Variants in TRA2A observed in about 807,000 individuals in gnomAD.
TRA2A encodes the protein transformer-2 protein homolog alpha.
Under a neutral mutation model 45.7 loss-of-function variants are expected in TRA2A, and 31 were observed. The ratio of observed to expected loss-of-function variants is 0.68; its 90% CI spans 0.51 to 0.92. TRA2A has a LOEUF of 0.92. Ranked by LOEUF, TRA2A falls within the 40% of genes least tolerant of loss-of-function variation. The pLI, the probability that TRA2A is intolerant of heterozygous loss-of-function variation, is 0.00. For missense variants in TRA2A, 304 were observed against 367.5 expected (o/e 0.83, Z 1.41); for synonymous variants, 132 against 126.2 (o/e 1.05, Z -0.31).
At chr7:23,509,991 A>G (rs1203321362) in intron 4 of TRA2A, among the ~76,000 whole-genome samples, 4 of 152,106 alleles carry the variant, frequency 2.6e-5, no homozygotes, top group Non-Finnish European at 5.9e-5. Flanking sequence ...GTGCCACCAC[A>G]CTCCAGCCTA....
At chr7:23,515,227 T>TC (rs1562792213) in intron 3 of TRA2A, among the ~76,000 whole-genome samples, 3 of 138,332 alleles carry the variant, frequency 2.2e-5, no homozygotes, top group African/African-American at 8.4e-5. Flanking sequence ...ATATTTCTTT[T>TC]TTTTTTTTTT....
At chr7:23,528,506 T>C (rs913948014) in intron 1 of TRA2A, among the ~76,000 whole-genome samples, 4 of 152,084 alleles carry the variant, frequency 2.6e-5, no homozygotes, top group African/African-American at 2.4e-5. Context: ...GGGCCGGCCT[T>C]GTTTTGTTTT....
chr7:23,512,615 C>T (rs916545883), intron 4 of TRA2A, among the ~76,000 whole-genome samples: 1 of 152,042 alleles, frequency 6.6e-6, no homozygotes, highest in Non-Finnish European at 1.5e-5. Context: ...CCGGCCACCA[C>T]GCCTGGCTAA....
At chr7:23,512,619 T>C (rs527765795) in intron 4 of TRA2A, among the ~76,000 whole-genome samples, 18 of 152,026 alleles carry the variant, frequency 1.2e-4, no homozygotes, top group African/African-American at 4.3e-4. Context: ...CCACCACGCC[T>C]GGCTAATTGT....
chr7:23,510,463 T>C (rs1789548021), intron 4 of TRA2A, among the ~76,000 whole-genome samples: 1 of 151,754 alleles, frequency 6.6e-6, no homozygotes. Context: ...CCGAGTAGCT[T>C]GGGGTTACAG....
At chr7:23,510,726 T>C (rs1393076933) in intron 4 of TRA2A, among the ~76,000 whole-genome samples, 1 of 152,192 alleles carries the variant, frequency 6.6e-6, no homozygotes, top group African/African-American at 2.4e-5. Context: ...AAAATTACAC[T>C]GTTCTGGCTT....
In TRA2A at chr7:23,505,435, T is replaced by G; in HGVS notation, c.*124A>C. ...ACACAACTGACAAAAGTGTAGATGC[T>G]AAATAAACCAAAGTTTTTTTCTTAA... On this transcript the variant is annotated 3_prime_UTR_variant, in exon 8 of 8. Coordinates refer to ENST00000297071, the MANE Select transcript of TRA2A (RefSeq NM_013293.5). 2.0e-6 allele frequency: 1 copy of G among 507,094 alleles called. No individual in the cohort carries two copies. 31.4% of individuals were successfully genotyped at this position (507,094 alleles called of 1,614,324 possible). A position where few individuals can be genotyped will look rare whatever the true frequency, so the allele number is the denominator to read the frequency against.
intron 1 of TRA2A, chr7:23,522,252 C>T: frequency 5.4e-6 from 6 of 1,102,388 alleles, no homozygotes; most frequent in Non-Finnish European, 6.7e-6. Flanking sequence ...CCAATTCAAA[C>T]AATTCAAAAT....
At chr7:23,517,503 A>AAAAAAAAGAG (rs764849438) in intron 2 of TRA2A, among the ~76,000 whole-genome samples, 3 of 116,204 alleles carry the variant, frequency 2.6e-5, no homozygotes, top group African/African-American at 6.5e-5. Context: ...AAAAAAAAAA[A>AAAAAAAAGAG]AGAGAGAAAG....
At chr7:23,531,122 T>C in intron 1 of TRA2A, 1 of 667,188 alleles carries the variant, frequency 1.5e-6, no homozygotes, top group Non-Finnish European at 1.9e-6. Context: ...CCTTGCGTAG[T>C]TTCCCCTCAC....
chr7:23,515,314 C>G (rs1295288837), intron 3 of TRA2A, among the ~76,000 whole-genome samples: 1 of 146,380 alleles, frequency 6.8e-6, no homozygotes, highest in Non-Finnish European at 1.5e-5. Flanking sequence ...ACTGCAAGCT[C>G]TGCCTCCCGG....
At chr7:23,522,803 A>C (rs1790188682) in intron 1 of TRA2A, among the ~76,000 whole-genome samples, 1 of 152,150 alleles carries the variant, frequency 6.6e-6, no homozygotes, top group South Asian at 2.1e-4. Context: ...AGATTCTTAA[A>C]AATAAGCTTT....
chr7:23,516,271 A>G (rs1333996070), intron 3 of TRA2A, 92 bp downstream of exon 3: 1 of 1,341,458 alleles, frequency 7.5e-7, no homozygotes, highest in African/African-American at 1.4e-5. Flanking sequence ...TCACTTCTAA[A>G]CAATGGCCAA....
chr7:23,531,556 A>T (rs1790585384), intron 1 of TRA2A: 1 of 591,704 alleles, frequency 1.7e-6, no homozygotes, highest in South Asian at 2.0e-5. Flanking sequence ...AGGGAAGAGG[A>T]CCCAGAAGTC....
At chr7:23,518,294 G>C (rs1027452094) in intron 2 of TRA2A, among the ~76,000 whole-genome samples, 10 of 151,734 alleles carry the variant, frequency 6.6e-5, no homozygotes, top group Non-Finnish European at 1.3e-4. Context: ...CTGCAATCTA[G>C]TATCTGCTAA....
chr7:23,505,702 T>G, intron 7 of TRA2A, 44 bp downstream of exon 7: 1 of 1,311,138 alleles, frequency 7.6e-7, no homozygotes, highest in Non-Finnish European at 1.1e-6. Flanking sequence ...AAGCCATTAA[T>G]TAGAAATGAG....
chr7:23,514,495 C>G (rs1229133480), intron 3 of TRA2A, among the ~76,000 whole-genome samples: 2 of 152,128 alleles, frequency 1.3e-5, no homozygotes, highest in Admixed American at 6.6e-5. Flanking sequence ...CAGTTTAATA[C>G]CATCTTTCTA....
At chr7:23,509,617 T>G (rs1324348235) in intron 4 of TRA2A, among the ~76,000 whole-genome samples, 1 of 151,936 alleles carries the variant, frequency 6.6e-6, no homozygotes, top group Non-Finnish European at 1.5e-5. Context: ...GCACCTATAG[T>G]CCTAGCTACT....
At chr7:23,516,186 G>T (rs1408752497) in intron 3 of TRA2A, among the ~76,000 whole-genome samples, 177 bp downstream of exon 3, 1 of 152,128 alleles carries the variant, frequency 6.6e-6, no homozygotes, top group Non-Finnish European at 1.5e-5. Flanking sequence ...ATAAAACATG[G>T]TAAGCTTACG....
Sources: gnomAD v4.1 joint callset for allele counts (sites outside exome capture counted in the v4.1 genomes callset) on GRCh38, gnomAD v4.1.1 for gene constraint, MANE v1.5 for transcripts, NCBI Gene and HGNC (gene_info 2026-07-23, HGNC 2026-07-21) for gene names.